The following PLEKHA3 variants were observed in gnomAD, a reference collection of about 807,000 sequenced individuals.
PLEKHA3 encodes pleckstrin homology domain containing A3.
A neutral mutation model predicts 39.2 loss-of-function variants in PLEKHA3; 19 were observed. The ratio of observed to expected loss-of-function variants is 0.48; its 90% confidence interval spans 0.34 to 0.71. The LOEUF (loss-of-function observed/expected upper bound fraction) is 0.71, where lower values mean the gene tolerates loss of function less well. Among genes scored for constraint, PLEKHA3 ranks in the 30% least tolerant of loss-of-function variants. The pLI is 0.01. For synonymous variants in PLEKHA3, 97 were observed against 118.6 expected, an observed-to-expected ratio of 0.82 and a Z score of 1.18; for missense variants, 253 against 359.5, an observed-to-expected ratio of 0.70 and a Z score of 2.40.
At position 178,514,009 on chromosome 2, in the gene PLEKHA3, C is replaced by T. The variant is rs556647057; in HGVS notation, c.*10122C>T. 1.3e-5 allele frequency: 2 copies of T among 152,102 alleles called. No homozygotes were observed. The highest frequency in any genetic ancestry group is 2.9e-5 in the Non-Finnish European group (2 of 68,018). The allele number at this position is 152,102 out of a possible 1,614,324, so 9.4% of individuals were successfully genotyped here. On this transcript the variant is annotated 3_prime_UTR_variant, in exon 8 of 8. Transcript: ENST00000234453. Reference sequence around the variant, plus strand: ...AGCATGCCTTCAGAATTGGCATCCTCGGGTGATTGTCCATAGCCTCTTGCA... The same window carrying T: ...AGCATGCCTTCAGAATTGGCATCCTTGGGTGATTGTCCATAGCCTCTTGCA...
chr2:178,499,955 A>G (rs576983214), intron 6 of PLEKHA3, among the ~76,000 whole-genome samples: 106 of 152,240 alleles, frequency 7.0e-4, no homozygotes, highest in African/African-American at 2.5e-3. Context: ...TTATAGCATC[A>G]TCTATTCATG....
chr2:178,496,598 T>G (rs186462850), intron 5 of PLEKHA3, among the ~76,000 whole-genome samples: 7 of 152,360 alleles, frequency 4.6e-5, no homozygotes, highest in Non-Finnish European at 7.3e-5. Flanking sequence ...TAGTTTCCTC[T>G]GAGGCAAGCG....
chr2:178,515,524 T>C lies in PLEKHA3; in HGVS notation c.*11637T>C, dbSNP rs568708903. On this transcript the variant is annotated 3_prime_UTR_variant, in exon 8 of 8. Coordinates refer to ENST00000234453, the MANE Select transcript of PLEKHA3 (RefSeq NM_019091.4). The stretch of plus-strand genomic sequence containing the variant: ...CTTACTATTTCTATATTAGGTATAT[T>C]ATTTCAGAAAAGAAAATAATCACTT... 2.6e-5 allele frequency: 4 copies of C among 152,290 alleles called. No homozygotes were observed. The highest frequency in any genetic ancestry group is 5.9e-5 in the Non-Finnish European group (4 of 68,012). 9.4% of individuals were successfully genotyped at this position (152,290 alleles called of 1,614,324 possible). A position where few individuals can be genotyped will look rare whatever the true frequency, so the allele number is the denominator to read the frequency against.
At chr2:178,494,678 A>G in intron 4 of PLEKHA3, among the ~76,000 whole-genome samples, 1 of 152,128 alleles carries the variant, frequency 6.6e-6, no homozygotes, top group East Asian at 1.9e-4. Context: ...TTGCTACAGC[A>G]GCTCAGTGAC....
At chr2:178,499,565 G>C (rs1167721657) in intron 6 of PLEKHA3, among the ~76,000 whole-genome samples, 2 of 152,254 alleles carry the variant, frequency 1.3e-5, no homozygotes, top group South Asian at 2.1e-4. Context: ...ATGATAGACT[G>C]CATATGTGAC....
Position 178,490,825 on chromosome 2 carries a change from A to G in PLEKHA3, c.313+11A>G. 1.3e-6 allele frequency: 2 copies of G among 1,595,036 alleles called. No homozygotes were observed. Among genetic ancestry groups the G allele is most frequent in the Admixed American group, 1.8e-5 (1 of 56,026 alleles). ...CTAAAAAAGAAAAAGGTAACTATAA[A>G]CTTTTCCCTTGTGGTGAGAGTACTT... On this transcript the variant is annotated intron_variant, in intron 3 of 7. Coordinates refer to ENST00000234453, the MANE Select transcript of PLEKHA3 (RefSeq NM_019091.4).
chr2:178,491,703 A>G (rs1021319845), intron 3 of PLEKHA3, among the ~76,000 whole-genome samples: 1 of 152,154 alleles, frequency 6.6e-6, no homozygotes, highest in Non-Finnish European at 1.5e-5. Flanking sequence ...GTCTTAGTTC[A>G]TTTTCTGTTG....
Position 178,489,244 on chromosome 2 carries a change from C to T in PLEKHA3, c.158-1415C>T, listed in dbSNP as rs145121698. ...TGGTTGTATGTTTCAGTGTCTGCAA[C>T]TAAGAATGACCCATATAAGTAGAAT... is the stretch of plus-strand genomic sequence containing the variant. On this transcript the variant is annotated intron_variant, in intron 2 of 7. Coordinates refer to ENST00000234453, the MANE Select transcript of PLEKHA3 (RefSeq NM_019091.4). 3.3e-3 allele frequency among the ~76,000 whole-genome samples: 495 copies of T among 152,218 alleles called. 3 individuals carry two copies. Among genetic ancestry groups the T allele is most frequent in the Non-Finnish European group, 4.5e-3 (303 of 68,014 alleles).
At chr2:178,486,455 A>G (rs1243008533) in intron 2 of PLEKHA3, among the ~76,000 whole-genome samples, 3 of 152,144 alleles carry the variant, frequency 2.0e-5, no homozygotes, top group Non-Finnish European at 4.4e-5. Flanking sequence ...GGTCGTTTTC[A>G]TTTCTCCACT....
Position 178,509,888 on chromosome 2 carries a change from T to C in PLEKHA3, c.*6001T>C, listed in dbSNP as rs1163608390. On this transcript the variant is annotated 3_prime_UTR_variant, in exon 8 of 8. Coordinates refer to ENST00000234453, the MANE Select transcript of PLEKHA3 (RefSeq NM_019091.4). Reference sequence around the variant, plus strand: ...AGTGTTTGATAATGTTGACCCTACATTTTTTTTGGACAGTCTCTGTCGCCC... The same window carrying C: ...AGTGTTTGATAATGTTGACCCTACACTTTTTTTGGACAGTCTCTGTCGCCC... 4 of 151,994 alleles carry C rather than the reference T, an allele frequency of 2.6e-5. No homozygotes were observed. The highest frequency in any genetic ancestry group is 5.9e-5 in the Non-Finnish European group (4 of 67,972). The allele number at this position is 151,994 out of a possible 1,614,324, so 9.4% of individuals were successfully genotyped here.
chr2:178,496,305 A>G (rs73036336), intron 5 of PLEKHA3, among the ~76,000 whole-genome samples: 3,094 of 152,262 alleles, frequency 0.02, 99 homozygotes, highest in African/African-American at 0.069. Context: ...GAGCTAATAA[A>G]TTTGCTCTAG....
rs1318248128 is a variant in PLEKHA3, at chr2:178,485,732, A to G, written c.132A>G (p.Ile44Met). The change falls in exon 2 of 8, where the codon ATA (isoleucine) becomes ATG (methionine). Residue 44 changes from isoleucine to methionine, a missense_variant. By Grantham distance (10) the Ile-to-Met change is conservative. Around this residue, in one of 2 missense-constraint regions of PLEKHA3, gnomAD observed 126 missense variants for 222.7 expected, o/e 0.57. Transcript: ENST00000234453. ...TTTGCAAAGGGAGCAAAGGAAGCATAAAGATGGCAGTTTGTGAAATTAAAG... is the reference window on the plus strand; with the variant it reads ...TTTGCAAAGGGAGCAAAGGAAGCATGAAGATGGCAGTTTGTGAAATTAAAG... ...DDVCKGSKGS[I>M]KMAVCEIKVH... 24 of 1,612,866 alleles carry G rather than the reference A, an allele frequency of 1.5e-5. No individual in the cohort carries two copies. Among genetic ancestry groups the G allele is most frequent in the African/African-American group, 2.7e-5 (2 of 74,904 alleles).
In PLEKHA3 at chr2:178,511,713, A is replaced by C. The variant is rs1413375022; in HGVS notation, c.*7826A>C. The C allele has an allele frequency of 1.5e-5, 2 of 133,648 alleles. No individual in the cohort carries two copies. Among genetic ancestry groups the C allele is most frequent in the Non-Finnish European group, 3.1e-5 (2 of 64,184 alleles). The allele number at this position is 133,648 out of a possible 1,614,324, so 8.3% of individuals were successfully genotyped here. On this transcript the variant is annotated 3_prime_UTR_variant, in exon 8 of 8. Coordinates refer to ENST00000234453, the MANE Select transcript of PLEKHA3 (RefSeq NM_019091.4). ...GCGTCCTTATGCTGCCTCTTCTCCA[A>C]ATACATGTTGGCCAGGGTGGTCTCA...
In PLEKHA3 at chr2:178,480,806, G is replaced by T; in HGVS notation, c.-64G>T. On this transcript the variant is annotated 5_prime_UTR_variant, in exon 1 of 8. Transcript: ENST00000234453. ...GCCGGGAGGGGCTGCCCCAGGCCCT[G>T]CGCCTACCCCATCACCGCGGCCGGC... 1 of 1,296,896 alleles carries T rather than the reference G, an allele frequency of 7.7e-7. No individual in the cohort carries two copies. Among genetic ancestry groups the T allele is most frequent in the Non-Finnish European group, 9.9e-7 (1 of 1,008,182 alleles). The allele number at this position is 1,296,896 out of a possible 1,614,324, so 80.3% of individuals were successfully genotyped here. A position where few individuals can be genotyped will look rare whatever the true frequency, so the allele number is the denominator to read the frequency against.
At position 178,507,495 on chromosome 2, in the gene PLEKHA3, G is replaced by C. The variant is rs563213574; in HGVS notation, c.*3608G>C. On this transcript the variant is annotated 3_prime_UTR_variant, in exon 8 of 8. Transcript: ENST00000234453. ...AAATGCTGAAAAACATCAGATAATC[G>C]TATCAATTCTCTTAAAAAAGTTTTT... The C allele has an allele frequency of 6.6e-6, 1 of 151,842 alleles. No homozygotes were observed. Among genetic ancestry groups the C allele is most frequent in the Admixed American group, 6.6e-5 (1 of 15,228 alleles). The allele number at this position is 151,842 out of a possible 1,614,324, so 9.4% of individuals were successfully genotyped here. A position where few individuals can be genotyped will look rare whatever the true frequency, so the allele number is the denominator to read the frequency against.
Position 178,510,431 on chromosome 2 carries a change from C to T in PLEKHA3, c.*6544C>T, listed in dbSNP as rs889047571. 1.3e-5 allele frequency: 2 copies of T among 153,756 alleles called. No homozygotes were observed. The highest frequency in any genetic ancestry group is 4.8e-5 in the African/African-American group (2 of 41,450). The allele number at this position is 153,756 out of a possible 1,614,324, so 9.5% of individuals were successfully genotyped here. On this transcript the variant is annotated 3_prime_UTR_variant, in exon 8 of 8. Coordinates refer to ENST00000234453, the MANE Select transcript of PLEKHA3 (RefSeq NM_019091.4). ...ACCTACCGCCAGTAGATGTAATACT[C>T]TTAATACATGGAGTACAGAAATAGT...
intron 5 of PLEKHA3, among the ~76,000 whole-genome samples, chr2:178,497,339 T>C (rs1484057161): frequency 3.3e-5 from 5 of 152,220 alleles, no homozygotes; most frequent in Non-Finnish European, 7.4e-5. Context: ...CATGCCATTC[T>C]CCTGCCTCAG....
Position 178,503,975 on chromosome 2 carries a change from T to G in PLEKHA3, c.*88T>G. 1 of 1,427,272 alleles carries G rather than the reference T, an allele frequency of 7.0e-7. No homozygotes were observed. 88.4% of individuals were successfully genotyped at this position (1,427,272 alleles called of 1,614,324 possible). On this transcript the variant is annotated 3_prime_UTR_variant, in exon 8 of 8. Transcript: ENST00000234453. The stretch of plus-strand genomic sequence containing the variant: ...TTGTTATAGGGAGTAGTTTTTTCCC[T>G]TAGGACTCTGCACTTTATAGAATGT...
intron 2 of PLEKHA3, among the ~76,000 whole-genome samples, chr2:178,489,451 C>CTTTTTTTTT (rs71023445): frequency 1.3e-4 from 11 of 82,344 alleles, no homozygotes; most frequent in Admixed American, 3.0e-4. Flanking sequence ...TCTTTTCCTT[C>CTTTTTTTTT]TTTTTTTTTT....
Sources: allele counts gnomAD v4.1 joint callset (sites outside exome capture counted in the v4.1 genomes callset), GRCh38; gene constraint gnomAD v4.1.1; regional missense constraint gnomAD v4.1.1; transcripts MANE v1.5; gene names NCBI Gene and HGNC (gene_info 2026-07-23, HGNC 2026-07-21).